RB1CC1: variants seen among roughly 807,000 people sequenced by gnomAD.
RB1CC1 encodes the protein RB1-inducible coiled-coil protein 1.
Under a neutral mutation model 177.5 loss-of-function variants are expected in RB1CC1, and 46 were observed. The ratio of observed to expected loss-of-function variants is 0.26; its 90% CI spans 0.20 to 0.33. The LOEUF is 0.33. Among genes scored for constraint, RB1CC1 ranks in the 10% least tolerant of loss-of-function variants. RB1CC1 has a pLI of 1.00. For synonymous variants in RB1CC1, 666 were observed against 613.6 expected, an observed-to-expected ratio of 1.09 and a Z score of -1.26; for missense variants, 1,703 against 1,816.3, an observed-to-expected ratio of 0.94 and a Z score of 1.13.
rs752784097 is a variant in RB1CC1 at position 52,656,486 on chromosome 8, T to A, written c.3343A>T (p.Asn1115Tyr). The change falls in exon 15 of 24, where the codon AAT becomes TAT. Residue 1115 changes from asparagine (N) to tyrosine (Y), a missense_variant. Around this residue, in one of 6 missense-constraint regions of RB1CC1, gnomAD observed 1,169 missense variants for 1,184.7 expected, o/e 0.99. Coordinates refer to ENST00000025008, the MANE Select transcript of RB1CC1 (RefSeq NM_014781.5). ...GCTAAGCCCACCTGATAATTTTCAT[T>A]ATTATCCTGAATCTTTTGGTTGAGT... Reference protein sequence around the residue: ...SKLNQKIQDNNENYQVGLAEL... With the variant: ...SKLNQKIQDNYENYQVGLAEL... The A allele has an allele frequency of 6.2e-7, 1 of 1,611,334 alleles. No homozygotes were observed. The highest frequency in any genetic ancestry group is 1.1e-5 in the South Asian group (1 of 90,958).
intron 1 of RB1CC1, among the ~76,000 whole-genome samples, chr8:52,693,394 A>G (rs1388744326): frequency 6.6e-6 from 1 of 152,242 alleles, no homozygotes; most frequent in African/African-American, 2.4e-5. Context: ...TCTAATATCC[A>G]GCATCTTCAA....
chr8:52,699,235 T>C (rs1397945785), intron 1 of RB1CC1, among the ~76,000 whole-genome samples: 1 of 152,234 alleles, frequency 6.6e-6, no homozygotes, highest in Non-Finnish European at 1.5e-5. Context: ...ATTCTTATTC[T>C]GCCACTTACA....
At position 52,623,368 on chromosome 8, in the gene RB1CC1, T is replaced by C. The variant is rs1476967778; in HGVS notation, c.*414A>G. 1 of 281,892 alleles carries C rather than the reference T, an allele frequency of 3.5e-6. No individual in the cohort carries two copies. Among genetic ancestry groups the C allele is most frequent in the East Asian group, 9.3e-5 (1 of 10,800 alleles). 17.5% of individuals were successfully genotyped at this position (281,892 alleles called of 1,614,324 possible). A position where few individuals can be genotyped will look rare whatever the true frequency, so the allele number is the denominator to read the frequency against. ...ATTTTATAAAGAATGTGTTAAAGAGTGCAAGTATTCTGATACTGATTTCAC... is the reference window on the plus strand; with the variant it reads ...ATTTTATAAAGAATGTGTTAAAGAGCGCAAGTATTCTGATACTGATTTCAC... On this transcript the variant is annotated 3_prime_UTR_variant, in exon 24 of 24. Transcript: ENST00000025008.
At chr8:52,690,302 C>A (rs79663328) in intron 1 of RB1CC1, among the ~76,000 whole-genome samples, 4,455 of 152,258 alleles carry the variant, frequency 0.029, 244 homozygotes, top group African/African-American at 0.1. Context: ...AGGAATATTC[C>A]TTCATTCATT....
rs1247032240 is a variant in RB1CC1, at chr8:52,706,816, A to C, written c.-167+7259T>G. ...TGGGATTATAGGCACCCACCACCAC[A>C]CCCAGCTAATTTTTTTTGTATTTTT... is the stretch of plus-strand genomic sequence containing the variant. On this transcript the variant is annotated intron_variant, in intron 1 of 23. Coordinates refer to ENST00000025008, the MANE Select transcript of RB1CC1 (RefSeq NM_014781.5). 3.3e-5 allele frequency among the ~76,000 whole-genome samples: 5 copies of C among 150,940 alleles called. No individual in the cohort carries two copies. The South Asian group carries it at 1.0e-3, about 32-fold the overall frequency.
At chr8:52,647,430 G>C (rs984185593) in intron 15 of RB1CC1, among the ~76,000 whole-genome samples, 27 of 152,102 alleles carry the variant, frequency 1.8e-4, no homozygotes, top group African/African-American at 5.6e-4. Flanking sequence ...TTTCTCCTTT[G>C]GGGCTGAAGA....
chr8:52,685,001 C>A (rs1854129188), intron 3 of RB1CC1, among the ~76,000 whole-genome samples: 1 of 120,710 alleles, frequency 8.3e-6, no homozygotes, highest in South Asian at 2.8e-4. Context: ...CATTATGTGA[C>A]CTTTTTTTTT....
intron 16 of RB1CC1, among the ~76,000 whole-genome samples, chr8:52,645,051 G>C (rs1412556310): frequency 1.3e-5 from 2 of 151,952 alleles, no homozygotes; most frequent in Admixed American, 6.6e-5. Flanking sequence ...GTTGCTGTCC[G>C]GTACTTTAGG....
intron 5 of RB1CC1, among the ~76,000 whole-genome samples, chr8:52,676,950 C>T (rs1051228652): frequency 4.6e-5 from 7 of 152,160 alleles, no homozygotes; most frequent in Admixed American, 1.3e-4. Flanking sequence ...AGCTAAAATA[C>T]GTCATCTACT....
chr8:52,623,916 T>TCACACA (rs113332634), intron 23 of RB1CC1, 57 bp from the exon 24 acceptor site: 21 of 864,978 alleles, frequency 2.4e-5, no homozygotes, highest in African/African-American at 1.0e-4. Flanking sequence ...TCTCTCTCTC[T>TCACACA]CACACACACA....
chr8:52,687,180 G>A (rs1286712982), intron 1 of RB1CC1, among the ~76,000 whole-genome samples: 3 of 151,856 alleles, frequency 2.0e-5, no homozygotes, highest in Admixed American at 6.6e-5. Flanking sequence ...TCCTCAAAAC[G>A]GCCATTTCCA....
At chr8:52,700,366 T>C (rs1855937018) in intron 1 of RB1CC1, among the ~76,000 whole-genome samples, 1 of 122,410 alleles carries the variant, frequency 8.2e-6, no homozygotes, top group Admixed American at 1.0e-4. Flanking sequence ...TCTACAAATA[T>C]ACAAAAATTA....
chr8:52,670,636 C>A (rs981263743), intron 7 of RB1CC1, among the ~76,000 whole-genome samples: 1 of 152,128 alleles, frequency 6.6e-6, no homozygotes, highest in African/African-American at 2.4e-5. Flanking sequence ...AATTATTAAT[C>A]GTTAGAAACA....
At chr8:52,667,983 A>G (rs1381144040) in intron 8 of RB1CC1, 38 bp downstream of exon 8, 7 of 1,578,472 alleles carry the variant, frequency 4.4e-6, no homozygotes, top group South Asian at 1.2e-5. Flanking sequence ...CAAAAAAACT[A>G]TAAATTCCTT....
chr8:52,706,134 C>CTT (rs1337056565), intron 1 of RB1CC1, among the ~76,000 whole-genome samples: 25 of 123,180 alleles, frequency 2.0e-4, no homozygotes, highest in East Asian at 1.6e-3. Flanking sequence ...GGGAAAAACA[C>CTT]ATATCCATTA....
intron 1 of RB1CC1, among the ~76,000 whole-genome samples, chr8:52,707,581 TTC>T (rs1000834768): frequency 6.6e-6 from 1 of 152,052 alleles, no homozygotes; most frequent in African/African-American, 2.4e-5. Flanking sequence ...CTGCAACCTC[TTC>T]TCTCTGTCTT....
chr8:52,702,369 A>T (rs965333026), intron 1 of RB1CC1, among the ~76,000 whole-genome samples: 3 of 152,242 alleles, frequency 2.0e-5, no homozygotes, highest in Non-Finnish European at 4.4e-5. Flanking sequence ...CTACTGAATG[A>T]ATCTTCTCCA....
At chr8:52,636,363 T>C (rs1317180387) in intron 18 of RB1CC1, among the ~76,000 whole-genome samples, 1 of 152,200 alleles carries the variant, frequency 6.6e-6, no homozygotes, top group African/African-American at 2.4e-5. Context: ...TCTTAATATT[T>C]GTGAGTGAAT....
At chr8:52,628,553 T>C (rs1043911884) in intron 21 of RB1CC1, among the ~76,000 whole-genome samples, 3 of 152,154 alleles carry the variant, frequency 2.0e-5, no homozygotes, top group Non-Finnish European at 4.4e-5. Context: ...AGTCACAGTG[T>C]CAAAGAAAAA....
Sources: gnomAD v4.1 joint callset for allele counts (sites outside exome capture counted in the v4.1 genomes callset) on GRCh38, gnomAD v4.1.1 for gene constraint, gnomAD v4.1.1 regional missense constraint, MANE v1.5 for transcripts, NCBI Gene and HGNC (gene_info 2026-07-23, HGNC 2026-07-21) for gene names.